The following SCML4 variants were observed in gnomAD, a reference collection of about 807,000 sequenced individuals.
SCML4 encodes the protein Scm polycomb group protein like 4.
A neutral mutation model predicts 41.1 loss-of-function variants in SCML4; 34 were observed. The observed-to-expected ratio is 0.83, with a 90% CI of 0.63 to 1.10. The LOEUF is 1.10. Among genes scored for constraint, SCML4 ranks in the 50% least tolerant of loss-of-function variants. The pLI, the probability that SCML4 is intolerant of heterozygous loss-of-function variation, is 0.00. For missense variants in SCML4, 522 were observed against 534.1 expected (o/e 0.98, Z 0.22); for synonymous variants, 214 against 220.9 (o/e 0.97, Z 0.28).
intron 1 of SCML4, among the ~76,000 whole-genome samples, chr6:107,816,695 A>T (rs1562287911): frequency 6.6e-6 from 1 of 152,232 alleles, no homozygotes; most frequent in South Asian, 2.1e-4. Context: ...CTTGAAACCC[A>T]TTCAGTCTAA....
intron 1 of SCML4, among the ~76,000 whole-genome samples, chr6:107,814,556 T>A (rs918397329): frequency 2.0e-5 from 3 of 152,162 alleles, no homozygotes; most frequent in Admixed American, 6.5e-5. Context: ...TTTTTTTGTT[T>A]GTTTGTTTGT....
rs1479555495 is a variant in SCML4, at chr6:107,717,181, G to A, written c.973+3522C>T. ...AAAAAAAAAAAAAAAAAAGCCAGGT[G>A]TGGTGGCAGGCACCTGTAGTCCCAG... On this transcript the variant is annotated intron_variant, in intron 6 of 7. Coordinates refer to ENST00000369020, the MANE Select transcript of SCML4 (RefSeq NM_198081.5). 2.1e-5 allele frequency among the ~76,000 whole-genome samples: 3 copies of A among 140,160 alleles called. 1 individual carries two copies. Among genetic ancestry groups the A allele is most frequent in the Non-Finnish European group, 4.6e-5 (3 of 65,706 alleles). 92.0% of individuals were successfully genotyped at this position (140,160 alleles called of 152,430 possible).
intron 1 of SCML4, among the ~76,000 whole-genome samples, chr6:107,815,784 A>G (rs1486423059): frequency 6.6e-6 from 1 of 152,236 alleles, no homozygotes; most frequent in Non-Finnish European, 1.5e-5. Flanking sequence ...AGTGAGTCAT[A>G]TTATCCAGGA....
At chr6:107,728,804 A>T (rs113239707) in intron 5 of SCML4, among the ~76,000 whole-genome samples, 3,997 of 152,302 alleles carry the variant, frequency 0.026, 84 homozygotes, top group Non-Finnish European at 0.039. Context: ...CAGGTGGACA[A>T]CTGTCAAGAC....
At chr6:107,724,409 G>T (rs773912591) in intron 5 of SCML4, among the ~76,000 whole-genome samples, 22 of 152,308 alleles carry the variant, frequency 1.4e-4, no homozygotes, top group Non-Finnish European at 2.4e-4. Flanking sequence ...TTAAAAGACT[G>T]TTGGAACTAG....
chr6:107,763,772 C>A (rs996646231), intron 2 of SCML4, among the ~76,000 whole-genome samples: 2 of 152,182 alleles, frequency 1.3e-5, no homozygotes, highest in East Asian at 1.9e-4. Flanking sequence ...AGAAGGCAGC[C>A]ATTGCCAAGA....
chr6:107,829,205 C>A (rs1785331398), upstream of SCML4, among the ~76,000 whole-genome samples: 1 of 151,942 alleles, frequency 6.6e-6, no homozygotes. Flanking sequence ...CATGGGAGAC[C>A]TTGTCTCTAC....
intron 5 of SCML4, among the ~76,000 whole-genome samples, chr6:107,741,893 CAACGGCTGACAGGA>C (rs1314608486): frequency 6.6e-6 from 1 of 152,130 alleles, no homozygotes; most frequent in African/African-American, 2.4e-5. Context: ...CCACAAGAAA[CAACGGCTGACAGGA>C]AACCGTGATC....
intron 2 of SCML4, among the ~76,000 whole-genome samples, chr6:107,761,819 T>C (rs199750517): frequency 1.4e-5 from 2 of 144,186 alleles, no homozygotes; most frequent in South Asian, 2.3e-4. Context: ...TTTTTTTTTT[T>C]CAAAAGTGAA....
chr6:107,766,654 A>G lies in SCML4; in HGVS notation c.156+5518T>C, dbSNP rs1003536179. On this transcript the variant is annotated intron_variant, in intron 2 of 7. Transcript: ENST00000369020. ...TCAGAATGCCAGCTGTAAAACATTT[A>G]CCAGCCTACCACTGCCTCAGATCCA... Among the ~76,000 whole-genome samples the G allele has an allele frequency of 9.2e-5, 14 of 152,346 alleles. No homozygotes were observed. In the South Asian group the frequency reaches 2.9e-3, roughly 32 times the overall value.
chr6:107,832,814 G>A, the SCML4 span, among the ~76,000 whole-genome samples: 11 of 152,304 alleles, frequency 7.2e-5, no homozygotes, highest in African/African-American at 1.2e-4. Context: ...AGGGTGCTGC[G>A]CGCCGCACAT....
chr6:107,794,663 T>C (rs1782582551), intron 1 of SCML4, among the ~76,000 whole-genome samples: 1 of 152,214 alleles, frequency 6.6e-6, no homozygotes, highest in Non-Finnish European at 1.5e-5. Context: ...GCGAGGCAGA[T>C]GGTTGAATAC....
At chr6:107,769,636 A>C (rs985205661) in intron 2 of SCML4, among the ~76,000 whole-genome samples, 1 of 152,210 alleles carries the variant, frequency 6.6e-6, no homozygotes, top group African/African-American at 2.4e-5. Flanking sequence ...GCTATTATTA[A>C]CATCAATATA....
At position 107,745,140 on chromosome 6, in the gene SCML4, G is replaced by T; in HGVS notation, c.491C>A (p.Ser164Ter). The change falls in exon 5 of 8, where the codon TCG becomes TAG. Residue 164 changes from serine to a stop codon, truncating the protein, a stop_gained. Coordinates refer to ENST00000369020, the MANE Select transcript of SCML4 (RefSeq NM_198081.5). LOFTEE classifies it high-confidence loss of function. ...GTGCTGTTTGCCATCAAAGGAAGCC[G>T]AGACTGGAAAACCAGAGAGATGTCA... ...QGYGGEMVSV[S>*]ASFDGKQHLR... The T allele has an allele frequency of 6.4e-7, 1 of 1,566,652 alleles. No homozygotes were observed. The highest frequency in any genetic ancestry group is 1.9e-5 in the Admixed American group (1 of 52,748).
chr6:107,750,463 T>C (rs1183427691), intron 2 of SCML4, among the ~76,000 whole-genome samples: 2 of 152,350 alleles, frequency 1.3e-5, no homozygotes, highest in Admixed American at 1.3e-4. Flanking sequence ...TGATGACTTG[T>C]TGATATCCAT....
intron 1 of SCML4, among the ~76,000 whole-genome samples, chr6:107,777,080 T>C (rs187863066): frequency 1.3e-5 from 2 of 152,326 alleles, no homozygotes; most frequent in Admixed American, 1.3e-4. Flanking sequence ...AAGATGCTCT[T>C]CCTTTCCTCT....
intron 1 of SCML4, among the ~76,000 whole-genome samples, chr6:107,793,479 T>C (rs141364979): frequency 6.6e-6 from 1 of 152,318 alleles, no homozygotes; most frequent in East Asian, 1.9e-4. Flanking sequence ...GACCTGTTGG[T>C]TCATTCTCAC....
At chr6:107,804,070 A>C (rs1191108691) in intron 1 of SCML4, among the ~76,000 whole-genome samples, 1 of 132,562 alleles carries the variant, frequency 7.5e-6, no homozygotes, top group African/African-American at 3.8e-5. Context: ...AGAAAAAGAA[A>C]AAAAAAAAAA....
chr6:107,825,762 C>G (rs1006478124), upstream of SCML4, among the ~76,000 whole-genome samples: 1 of 150,390 alleles, frequency 6.6e-6, no homozygotes, highest in Non-Finnish European at 1.5e-5. Flanking sequence ...ATGGTGAAAC[C>G]CCGTCTCTAC....
Sources: gnomAD v4.1 joint callset for allele counts (sites outside exome capture counted in the v4.1 genomes callset) on GRCh38, gnomAD v4.1.1 for gene constraint, MANE v1.5 for transcripts, NCBI Gene and HGNC (gene_info 2026-07-23, HGNC 2026-07-21) for gene names.